The following STXBP4 variants were observed in gnomAD, a reference collection of about 807,000 sequenced individuals.
STXBP4 encodes the protein syntaxin-binding protein 4.
A neutral mutation model predicts 76.1 loss-of-function variants in STXBP4; 55 were observed. The observed-to-expected ratio is 0.72, with a 90% CI of 0.58 to 0.91. STXBP4 has a LOEUF of 0.91. Ranked by LOEUF, STXBP4 falls within the 40% of genes least tolerant of loss-of-function variation. STXBP4 has a pLI of 0.00. For synonymous variants in STXBP4, 201 were observed against 220.2 expected (o/e 0.91, Z 0.77); for missense variants, 618 against 636.9 (o/e 0.97, Z 0.32).
At chr17:54,987,943 T>C (rs1482979460) in intron 3 of STXBP4, among the ~76,000 whole-genome samples, 2 of 152,166 alleles carry the variant, frequency 1.3e-5, no homozygotes, top group East Asian at 1.9e-4. Context: ...AATTCTCTTA[T>C]TATGAGTAAA....
intron 12 of STXBP4, among the ~76,000 whole-genome samples, chr17:55,068,115 A>G (rs2079075388): frequency 6.6e-6 from 1 of 152,158 alleles, no homozygotes; most frequent in Admixed American, 6.5e-5. Context: ...GAAACTAGAT[A>G]TAACTTGCTT....
rs569435983 is a variant in STXBP4, at chr17:55,034,100, A to G, written c.764-68A>G. ...TTAAATTTGAAACCTTAGCAACTTC[A>G]TATAGAATAAAGTAAGATTTAGAAG... On this transcript the variant is annotated intron_variant, in intron 9 of 17. Coordinates refer to ENST00000376352, the MANE Select transcript of STXBP4 (RefSeq NM_178509.6). The G allele has an allele frequency of 6.0e-4, 689 of 1,146,700 alleles. 4 individuals carry two copies. Among genetic ancestry groups the G allele is most frequent in the Non-Finnish European group, 1.5e-4 (115 of 788,372 alleles). The allele number at this position is 1,146,700 out of a possible 1,614,324, so 71.0% of individuals were successfully genotyped here. A position where few individuals can be genotyped will look rare whatever the true frequency, so the allele number is the denominator to read the frequency against.
chr17:55,051,222 TTAAAAA>T (rs1479316582), intron 12 of STXBP4, among the ~76,000 whole-genome samples: 2 of 151,960 alleles, frequency 1.3e-5, no homozygotes, highest in African/African-American at 4.8e-5. Context: ...GAAAAATATA[TTAAAAA>T]TTAAGATGGA....
At chr17:54,983,110 G>T (rs539932685) in intron 1 of STXBP4, among the ~76,000 whole-genome samples, 2 of 152,234 alleles carry the variant, frequency 1.3e-5, no homozygotes, top group African/African-American at 4.8e-5. Context: ...GTAACATGGT[G>T]CCTGGCTGTA....
chr17:54,984,124 A>G (rs1267971626), intron 1 of STXBP4, among the ~76,000 whole-genome samples: 3 of 152,122 alleles, frequency 2.0e-5, no homozygotes, highest in Non-Finnish European at 4.4e-5. Context: ...ACCAGTGAAT[A>G]CATTGCTATG....
At chr17:55,176,650 G>T (rs2080432057), downstream of STXBP4, among the ~76,000 whole-genome samples, 1 of 152,166 alleles carries the variant, frequency 6.6e-6, no homozygotes, top group Non-Finnish European at 1.5e-5. Context: ...TGTGTTGAGG[G>T]ATACCCAGAT....
intron 12 of STXBP4, among the ~76,000 whole-genome samples, chr17:55,058,358 G>A (rs992777806): frequency 2.4e-4 from 36 of 152,142 alleles, no homozygotes; most frequent in Non-Finnish European, 4.9e-4. Flanking sequence ...CTTCTTTTGA[G>A]AAGTGTCTGT....
At chr17:55,105,776 C>A (rs1011047608) in intron 16 of STXBP4, among the ~76,000 whole-genome samples, 1 of 151,890 alleles carries the variant, frequency 6.6e-6, no homozygotes, top group Admixed American at 6.6e-5. Context: ...CCGCACCTGG[C>A]CTCTTAATCC....
chr17:55,008,298 C>T (rs1047923218), intron 8 of STXBP4, among the ~76,000 whole-genome samples: 2 of 151,792 alleles, frequency 1.3e-5, no homozygotes, highest in Non-Finnish European at 2.9e-5. Context: ...AGCATTCTTA[C>T]ATTTTAGGAA....
chr17:55,141,227 A>C, intron 16 of STXBP4, 83 bp from the exon 17 acceptor site: 2 of 1,108,302 alleles, frequency 1.8e-6, no homozygotes, highest in Non-Finnish European at 2.7e-6. Flanking sequence ...AAATAATTGT[A>C]AAGATGAGGG....
chr17:54,969,150 G>T (rs567773449), intron 1 of STXBP4, among the ~76,000 whole-genome samples: 1 of 152,176 alleles, frequency 6.6e-6, no homozygotes, highest in African/African-American at 2.4e-5. Flanking sequence ...TTCTCAGCCC[G>T]TGGGCAGTCG....
At chr17:55,058,198 A>G (rs980338935) in intron 12 of STXBP4, among the ~76,000 whole-genome samples, 1 of 152,110 alleles carries the variant, frequency 6.6e-6, no homozygotes, top group Non-Finnish European at 1.5e-5. Context: ...CTATTTCTCT[A>G]CATCCTCTCC....
the STXBP4 span, among the ~76,000 whole-genome samples, chr17:55,197,472 T>G: frequency 0.011 from 1,659 of 152,194 alleles, 27 homozygotes; most frequent in African/African-American, 0.035. Flanking sequence ...GGCCAGGCGC[T>G]GTGGCTCACG....
chr17:55,033,328 C>T lies in STXBP4; in HGVS notation c.764-840C>T, dbSNP rs181377807. Among the ~76,000 whole-genome samples the T allele has an allele frequency of 2.2e-3, 341 of 151,792 alleles. 3 individuals are homozygous for T. The highest frequency in any genetic ancestry group is 0.02 in the Admixed American group (309 of 15,240). On this transcript the variant is annotated intron_variant, in intron 9 of 17. Transcript: ENST00000376352. ...AGTGGAGGTTGCAGTGAGCCAAGAT[C>T]GTGCCACTGCACTCCAGCCTGGGTG...
At chr17:55,196,383 G>A in the STXBP4 span, among the ~76,000 whole-genome samples, 99 of 152,150 alleles carry the variant, frequency 6.5e-4, no homozygotes, top group East Asian at 0.013. Context: ...CCACTTCCAC[G>A]TACAGCATTA....
intron 11 of STXBP4, among the ~76,000 whole-genome samples, chr17:55,046,623 G>C (rs1431583867): frequency 6.6e-6 from 1 of 151,754 alleles, no homozygotes; most frequent in African/African-American, 2.4e-5. Context: ...GTTTACATTA[G>C]TCATATATGC....
chr17:55,051,173 ATAT>A (rs1198632979), intron 12 of STXBP4, among the ~76,000 whole-genome samples: 1 of 152,136 alleles, frequency 6.6e-6, no homozygotes, highest in Non-Finnish European at 1.5e-5. Context: ...TTTTCATGTA[ATAT>A]TTACTTTTGT....
the STXBP4 span, among the ~76,000 whole-genome samples, chr17:55,185,308 T>TCCTC: frequency 5.6e-5 from 4 of 71,570 alleles, no homozygotes; most frequent in African/African-American, 9.5e-5. Flanking sequence ...TCCTTCTCCT[T>TCCTC]CTCCTTCTCC....
chr17:54,987,613 A>T (rs192978867), intron 3 of STXBP4, among the ~76,000 whole-genome samples: 54 of 152,328 alleles, frequency 3.5e-4, no homozygotes, highest in Admixed American at 2.8e-3. Context: ...TATATTATGG[A>T]TGGGCAAACA....
Sources: gnomAD v4.1 joint callset for allele counts (sites outside exome capture counted in the v4.1 genomes callset) on GRCh38, gnomAD v4.1.1 for gene constraint, MANE v1.5 for transcripts, NCBI Gene and HGNC (gene_info 2026-07-23, HGNC 2026-07-21) for gene names.